ZNF391: variants seen among roughly 807,000 people sequenced by gnomAD.
The protein encoded by ZNF391 is zinc finger protein 391.
For missense variants in ZNF391, 375 were observed against 425.5 expected, an observed-to-expected ratio of 0.88 and a Z score of 1.04; for synonymous variants, 126 against 142.1, an observed-to-expected ratio of 0.89 and a Z score of 0.80.
chr6:27,381,692 C>G (rs538648997), intron 1 of ZNF391, among the ~76,000 whole-genome samples: 3 of 152,086 alleles, frequency 2.0e-5, no homozygotes, highest in African/African-American at 7.2e-5. Flanking sequence ...GAGCCATGAC[C>G]GTGCCACTGC....
intron 1 of ZNF391, among the ~76,000 whole-genome samples, chr6:27,393,618 G>A (rs1371939709): frequency 6.6e-6 from 1 of 152,222 alleles, no homozygotes; most frequent in African/African-American, 2.4e-5. Context: ...AATGTGAAAG[G>A]AACTTTGGAA....
chr6:27,388,475 G>A (rs1427096543), upstream of ZNF391, among the ~76,000 whole-genome samples: 1 of 152,116 alleles, frequency 6.6e-6, no homozygotes, highest in Non-Finnish European at 1.5e-5. Flanking sequence ...ATCTTGTGAA[G>A]CTGTATTTTA....
chr6:27,395,940 G>A (rs1235480215), intron 1 of ZNF391, among the ~76,000 whole-genome samples: 2 of 152,088 alleles, frequency 1.3e-5, no homozygotes, highest in Non-Finnish European at 2.9e-5. Context: ...ATTACCTTAT[G>A]GCAGTATGGG....
intron 1 of ZNF391, among the ~76,000 whole-genome samples, chr6:27,377,037 TC>T (rs1166041667): frequency 6.6e-6 from 1 of 152,078 alleles, no homozygotes; most frequent in African/African-American, 2.4e-5. Flanking sequence ...ACAAGGAGCA[TC>T]TAAAGGGAAT....
chr6:27,401,548 CT>C lies in ZNF391; in HGVS notation c.*105del. 2.3e-6 allele frequency: 2 copies of C among 886,894 alleles called. No individual in the cohort carries two copies. The highest frequency in any genetic ancestry group is 3.3e-6 in the Non-Finnish European group (2 of 610,028). 54.9% of individuals were successfully genotyped at this position (886,894 alleles called of 1,614,324 possible). A position where few individuals can be genotyped will look rare whatever the true frequency, so the allele number is the denominator to read the frequency against. On this transcript the variant is annotated 3_prime_UTR_variant, in exon 3 of 3. Transcript: ENST00000244576. Reference sequence around the variant, plus strand: ...GTATATATATACTTGTTCTAATTTTCTTTTATTAGATACCTATACCCGTTTT... The same window carrying C: ...GTATATATATACTTGTTCTAATTTTCTTTATTAGATACCTATACCCGTTTT...
chr6:27,400,254 G>A (rs935057177), intron 2 of ZNF391, 39 bp from the exon 3 acceptor site: 44 of 858,908 alleles, frequency 5.1e-5, no homozygotes, highest in Admixed American at 2.7e-4. Flanking sequence ...GCTCTCCATA[G>A]TAGATACAGA....
Position 27,401,358 on chromosome 6 carries a change from G to C in ZNF391, c.988G>C (p.Glu330Gln). The change falls in exon 3 of 3, where the codon GAG becomes CAG. Residue 330 changes from glutamate (E) to glutamine (Q), a missense_variant. Coordinates refer to ENST00000244576, the MANE Select transcript of ZNF391 (RefSeq NM_001076781.3). ...LIIHQRTHTG[E>Q]KPYKCNDCGK... ...TATTCATCAGAGAACTCATACCGGG[G>C]AGAAGCCGTACAAATGTAATGACTG... 6.2e-7 allele frequency: 1 copy of C among 1,614,064 alleles called. No homozygotes were observed. Among genetic ancestry groups the C allele is most frequent in the South Asian group, 1.1e-5 (1 of 91,074 alleles).
In ZNF391 at chr6:27,388,807, TCCAGGC is replaced by T. The variant is rs1424307284; in HGVS notation, c.-455_-450del. On this transcript the variant is annotated 5_prime_UTR_variant, in exon 1 of 3. Transcript: ENST00000244576. ...GGTCGTCCGCGTCAGGAGACTTAGGTCCAGGCGACTGCCCAGACAATGACTGGTCCC... is the reference window on the plus strand; with the variant it reads ...GGTCGTCCGCGTCAGGAGACTTAGGTGACTGCCCAGACAATGACTGGTCCC... The T allele has an allele frequency of 4.7e-6, 2 of 426,744 alleles. No individual in the cohort carries two copies. Among genetic ancestry groups the T allele is most frequent in the Non-Finnish European group, 9.1e-6 (2 of 218,696 alleles). 26.4% of individuals were successfully genotyped at this position (426,744 alleles called of 1,614,324 possible).
At chr6:27,394,805 A>G (rs889210326) in intron 1 of ZNF391, among the ~76,000 whole-genome samples, 1 of 152,212 alleles carries the variant, frequency 6.6e-6, no homozygotes, top group Non-Finnish European at 1.5e-5. Context: ...GGCCTTGGGA[A>G]CCCACCCCTT....
Position 27,400,887 on chromosome 6 carries a change from GC to G in ZNF391, c.518del (p.Ala173ValfsTer64). Reference protein sequence around the residue: ...KPYECNECGKAFSRSTHLSLH... With the variant: ...KPYECNECGKXFSRSTHLSLH... ...TTATGAATGCAATGAATGTGGAAAA[GC>G]TTTTAGCCGGAGCACACATCTTAGT... On this transcript the variant is annotated frameshift_variant, in exon 3 of 3. Coordinates refer to ENST00000244576, the MANE Select transcript of ZNF391 (RefSeq NM_001076781.3). LOFTEE classifies it low-confidence loss of function (END_TRUNC). 6.2e-7 allele frequency: 1 copy of G among 1,614,160 alleles called. No homozygotes were observed. Among genetic ancestry groups the G allele is most frequent in the South Asian group, 1.1e-5 (1 of 91,086 alleles).
At position 27,402,554 on chromosome 6, in the gene ZNF391, G is replaced by A. The variant is rs1400582234; in HGVS notation, c.*1107G>A. 1 of 152,172 alleles carries A rather than the reference G, an allele frequency of 6.6e-6. No individual in the cohort carries two copies. Among genetic ancestry groups the A allele is most frequent in the East Asian group, 1.9e-4 (1 of 5,204 alleles). The allele number at this position is 152,172 out of a possible 1,614,324, so 9.4% of individuals were successfully genotyped here. On this transcript the variant is annotated 3_prime_UTR_variant, in exon 3 of 3. Transcript: ENST00000244576. ...CTCATTTTATCAAGTTATAAAACTTGAGGTAGTGCAACTAGATTATACACT... is the reference window on the plus strand; with the variant it reads ...CTCATTTTATCAAGTTATAAAACTTAAGGTAGTGCAACTAGATTATACACT...
In ZNF391 at chr6:27,388,869, T is replaced by C. The variant is rs1235411339; in HGVS notation, c.-394T>C. The C allele has an allele frequency of 4.4e-6, 2 of 454,590 alleles. No homozygotes were observed. The highest frequency in any genetic ancestry group is 8.8e-6 in the Non-Finnish European group (2 of 226,410). 28.2% of individuals were successfully genotyped at this position (454,590 alleles called of 1,614,324 possible). A position where few individuals can be genotyped will look rare whatever the true frequency, so the allele number is the denominator to read the frequency against. On this transcript the variant is annotated 5_prime_UTR_variant, in exon 1 of 3. Coordinates refer to ENST00000244576, the MANE Select transcript of ZNF391 (RefSeq NM_001076781.3). ...CCGAGCAGAGCATGATCAGCAGCAG[T>C]CTGAGTGGAAGAGTGCCTGTGATCT...
chr6:27,401,494 C>A lies in ZNF391; in HGVS notation c.*47C>A. On this transcript the variant is annotated 3_prime_UTR_variant, in exon 3 of 3. Transcript: ENST00000244576. ...TAGCATAAGAACACATATACCTAAC[C>A]TCCCACCACTGAAATATATATATTT... 1.5e-6 allele frequency: 2 copies of A among 1,350,432 alleles called. No homozygotes were observed. Among genetic ancestry groups the A allele is most frequent in the Non-Finnish European group, 1.0e-6 (1 of 987,346 alleles). 83.7% of individuals were successfully genotyped at this position (1,350,432 alleles called of 1,614,324 possible).
chr6:27,388,699 T>C, upstream of ZNF391: 1 of 331,988 alleles, frequency 3.0e-6, no homozygotes, highest in African/African-American at 2.2e-5. Flanking sequence ...AGCCCTGCTG[T>C]AGCTGGCTCT....
intron 1 of ZNF391, among the ~76,000 whole-genome samples, chr6:27,375,688 T>C (rs2113633532): frequency 6.6e-6 from 1 of 152,300 alleles, no homozygotes; most frequent in Admixed American, 6.5e-5. Context: ...TCAATGACAC[T>C]GACAGGCTGC....
chr6:27,400,668 CA>C lies in ZNF391; in HGVS notation c.301del (p.Arg101AspfsTer136). The C allele has an allele frequency of 6.2e-7, 1 of 1,613,974 alleles. No individual in the cohort carries two copies. The highest frequency in any genetic ancestry group is 1.3e-5 in the African/African-American group (1 of 75,000). On this transcript the variant is annotated frameshift_variant, in exon 3 of 3. Transcript: ENST00000244576. LOFTEE classifies it low-confidence loss of function (END_TRUNC). Reference sequence around the variant, plus strand: ...AGATAATTCAGACTTAATTAAACACCAAAGACTTTTCTCACAAAGAAAACCT... The same window carrying C: ...AGATAATTCAGACTTAATTAAACACCAAGACTTTTCTCACAAAGAAAACCT... Reference protein sequence around the residue: ...SKDNSDLIKHQRLFSQRKPCK... With the variant: ...SKDNSDLIKHXRLFSQRKPCK...
chr6:27,383,597 T>C (rs1761540527), intron 1 of ZNF391, among the ~76,000 whole-genome samples: 2 of 152,310 alleles, frequency 1.3e-5, no homozygotes, highest in Non-Finnish European at 1.5e-5. Flanking sequence ...TCTTGTATCT[T>C]CACATAGTGG....
upstream of ZNF391, among the ~76,000 whole-genome samples, chr6:27,384,358 G>GGAGGCAGA (rs1379599535): frequency 6.6e-6 from 1 of 151,548 alleles, no homozygotes; most frequent in Non-Finnish European, 1.5e-5. Context: ...CAGCTACTCA[G>GGAGGCAGA]GAGGCAGAGG....
intron 1 of ZNF391, among the ~76,000 whole-genome samples, chr6:27,382,975 C>T (rs1761531744): frequency 6.6e-6 from 1 of 151,878 alleles, no homozygotes; most frequent in Admixed American, 6.6e-5. Context: ...CAAAAATTAG[C>T]TGGGCATGGT....
Sources: allele counts gnomAD v4.1 joint callset (sites outside exome capture counted in the v4.1 genomes callset), GRCh38; gene constraint gnomAD v4.1.1; transcripts MANE v1.5; gene names NCBI Gene and HGNC (gene_info 2026-07-23, HGNC 2026-07-21).